The following PHACTR2 variants were observed in gnomAD, a reference collection of about 807,000 sequenced individuals.
PHACTR2 encodes the protein chromosome 6 open reading frame 56.
PHACTR2 carries 30 observed loss-of-function variants against 76.0 expected under a neutral mutation model. The ratio of observed to expected loss-of-function variants is 0.39; its 90% CI spans 0.30 to 0.54. The LOEUF is 0.54. Among genes scored for constraint, PHACTR2 ranks in the 20% least tolerant of loss-of-function variants. The pLI is 0.61. For synonymous variants in PHACTR2, 292 were observed against 292.5 expected, an observed-to-expected ratio of 1.00 and a Z score of 0.02; for missense variants, 696 against 781.1, an observed-to-expected ratio of 0.89 and a Z score of 1.30.
Position 143,596,648 on chromosome 6 carries a change from G to C in PHACTR2, c.217+59441G>C, listed in dbSNP as rs1251229765. ...GAGCCTAGTAGTTTGAGATCAGCCT[G>C]GGCAACATAGTGAGACCCCATTTTA... On this transcript the variant is annotated intron_variant, in intron 1 of 11. Transcript: ENST00000367584. The surrounding 1 kb of genome is among the most constrained non-coding windows in gnomAD (Gnocchi z 4.6). 6.6e-6 allele frequency among the ~76,000 whole-genome samples: 1 copy of C among 152,022 alleles called. No homozygotes were observed. The highest frequency in any genetic ancestry group is 2.4e-5 in the African/African-American group (1 of 41,370).
intron 11 of PHACTR2, among the ~76,000 whole-genome samples, chr6:143,799,497 T>G (rs1351713466): frequency 6.6e-6 from 1 of 152,266 alleles, no homozygotes; most frequent in Non-Finnish European, 1.5e-5. Flanking sequence ...ATTTTAGATC[T>G]CTCTTGCTTT....
chr6:143,813,614 C>T (rs1182758158), intron 12 of PHACTR2, among the ~76,000 whole-genome samples: 19 of 114,906 alleles, frequency 1.7e-4, no homozygotes, highest in African/African-American at 6.4e-4. Flanking sequence ...CGAGACTCCG[C>T]CTCAAAAAAA....
intron 4 of PHACTR2, among the ~76,000 whole-genome samples, chr6:143,758,602 G>T (rs1310776899): frequency 6.6e-6 from 1 of 152,200 alleles, no homozygotes; most frequent in Non-Finnish European, 1.5e-5. Context: ...TAGTATACAT[G>T]ATACTCAGCT....
chr6:143,675,722 C>G (rs1382212731), upstream of PHACTR2, among the ~76,000 whole-genome samples: 1 of 152,058 alleles, frequency 6.6e-6, no homozygotes, highest in Admixed American at 6.6e-5. The surrounding 1 kb of genome is among the most constrained non-coding windows in gnomAD (Gnocchi z 4.9). Flanking sequence ...AATAAATTCC[C>G]TAGAGAGAGG....
chr6:143,813,524 G>A (rs961932092), intron 12 of PHACTR2, among the ~76,000 whole-genome samples: 6 of 151,454 alleles, frequency 4.0e-5, no homozygotes, highest in South Asian at 2.1e-4. Flanking sequence ...AGGCTGAGGC[G>A]GGAGAATGCC....
rs1283930390 is a variant in PHACTR2, at chr6:143,830,514, CTT to C, written c.*6828_*6829del. 6.6e-6 allele frequency: 1 copy of C among 151,930 alleles called. No individual in the cohort carries two copies. Among genetic ancestry groups the C allele is most frequent in the Non-Finnish European group, 1.5e-5 (1 of 67,966 alleles). The allele number at this position is 151,930 out of a possible 1,614,324, so 9.4% of individuals were successfully genotyped here. ...TACACTGATTAACATGACAGTTTCT[CTT>C]TTGTTGTTCTTATCTGTACTGTATT... On this transcript the variant is annotated 3_prime_UTR_variant, in exon 13 of 13. Coordinates refer to ENST00000440869, the MANE Select transcript of PHACTR2 (RefSeq NM_001100164.2).
At chr6:143,735,992 T>C (rs944182808) in intron 2 of PHACTR2, among the ~76,000 whole-genome samples, 1 of 150,758 alleles carries the variant, frequency 6.6e-6, no homozygotes, top group South Asian at 2.1e-4. Context: ...AACTAACTCA[T>C]TGAGTATTTA....
At chr6:143,612,145 C>A (rs1775988527) in intron 1 of PHACTR2, among the ~76,000 whole-genome samples, 1 of 152,164 alleles carries the variant, frequency 6.6e-6, no homozygotes, top group African/African-American at 2.4e-5. Context: ...GCCTCCTCTC[C>A]CTCCAGTCTG....
intron 1 of PHACTR2, among the ~76,000 whole-genome samples, chr6:143,636,705 T>A (rs1444786353): frequency 6.6e-6 from 1 of 152,226 alleles, no homozygotes; most frequent in African/African-American, 2.4e-5. Flanking sequence ...TTTAACAGGA[T>A]AGATTTTGCC....
At chr6:143,593,521 A>G (rs1775717190) in intron 1 of PHACTR2, among the ~76,000 whole-genome samples, 1 of 152,218 alleles carries the variant, frequency 6.6e-6, no homozygotes, top group South Asian at 2.1e-4. Context: ...AAAGATACAT[A>G]TTCTTTTCAT....
chr6:143,788,819 T>C lies in PHACTR2; in HGVS notation c.1754T>C (p.Leu585Pro), dbSNP rs1323709155. 1 of 1,613,582 alleles carries C rather than the reference T, an allele frequency of 6.2e-7. No individual in the cohort carries two copies. Among genetic ancestry groups the C allele is most frequent in the African/African-American group, 1.3e-5 (1 of 74,928 alleles). Reference protein sequence around the residue: ...TVAELQARRILRFNEYVEVTD... With the variant: ...TVAELQARRIPRFNEYVEVTD... Reference sequence around the variant, plus strand: ...GCAGAGCTACAAGCTCGAAGGATCCTGCGATTTAACGAGTATGTAGAAGTC... The same window carrying C: ...GCAGAGCTACAAGCTCGAAGGATCCCGCGATTTAACGAGTATGTAGAAGTC... The change falls in exon 11 of 13, where the codon CTG (leucine) becomes CCG (proline). Residue 585 changes from leucine (L) to proline (P), a missense_variant. Physicochemically the swap from Leu to Pro is moderately conservative, Grantham distance 98. Transcript: ENST00000440869.
In PHACTR2 at chr6:143,598,403, C is replaced by T. The variant is rs1038695164; in HGVS notation, c.217+61196C>T. Among the ~76,000 whole-genome samples the T allele has an allele frequency of 1.3e-5, 2 of 152,160 alleles. No homozygotes were observed. The highest frequency in any genetic ancestry group is 1.3e-4 in the Admixed American group (2 of 15,276). ...CCAGAGCCTCCAGAGGAATGCAGCC[C>T]TTCAGAACACCTTGATTTGAGCCCT... is the stretch of plus-strand genomic sequence containing the variant. On this transcript the variant is annotated intron_variant, in intron 1 of 11. Transcript: ENST00000367584. This position sits in a 1 kb window ranked among gnomAD's most constrained non-coding sequence, Gnocchi z 4.1.
At chr6:143,638,964 C>T (rs907887076) in intron 1 of PHACTR2, among the ~76,000 whole-genome samples, 1 of 152,104 alleles carries the variant, frequency 6.6e-6, no homozygotes, top group African/African-American at 2.4e-5. Context: ...TTAGAGTGTT[C>T]GTAGCTTCCC....
Position 143,537,143 on chromosome 6 carries a change from A to G in PHACTR2, c.153A>G (p.Ser51=). ...GGGACCCGAGCCCCCGCGGCCGCTCACAGAGCGACCTCTCGTCGTCCTCGA... is the reference window on the plus strand; with the variant it reads ...GGGACCCGAGCCCCCGCGGCCGCTCGCAGAGCGACCTCTCGTCGTCCTCGA... The change falls in exon 1 of 12, where the codon TCA becomes TCG. Residue 51 remains serine (S), a synonymous_variant. Coordinates refer to the PHACTR2 transcript ENST00000367584. This position sits in a 1 kb window ranked among gnomAD's most constrained non-coding sequence, Gnocchi z 4.4. 6.0e-6 allele frequency: 2 copies of G among 331,366 alleles called. No homozygotes were observed. The highest frequency in any genetic ancestry group is 5.9e-6 in the Non-Finnish European group (1 of 169,944). The allele number at this position is 331,366 out of a possible 1,614,324, so 20.5% of individuals were successfully genotyped here.
At position 143,718,875 on chromosome 6, in the gene PHACTR2, G is replaced by GTTT. The variant is rs1226236202; in HGVS notation, c.214+6714_214+6716dup. Among the ~76,000 whole-genome samples the GTTT allele has an allele frequency of 4.4e-3, 543 of 123,374 alleles. 7 individuals are homozygous for GTTT. Among genetic ancestry groups the GTTT allele is most frequent in the East Asian group, 0.033 (115 of 3,514 alleles). 80.9% of individuals were successfully genotyped at this position (123,374 alleles called of 152,430 possible). A position where few individuals can be genotyped will look rare whatever the true frequency, so the allele number is the denominator to read the frequency against. ...ACTAAGAAGTTGGAAAGTTGGAAGT[G>GTTT]TTTTTTTTTTTTTTTTTTTTTTTTG... On this transcript the variant is annotated intron_variant, in intron 2 of 12. Transcript: ENST00000440869.
Position 143,657,953 on chromosome 6 carries a change from AG to A in PHACTR2, c.13+49638del, listed in dbSNP as rs1028397189. On this transcript the variant is annotated intron_variant, in intron 1 of 11. Coordinates refer to the PHACTR2 transcript ENST00000305766. Reference sequence around the variant, plus strand: ...AGGGGAAATAATCCCTTTATTTCTGAGGGGGGGTCCAGGCAGCACATCACAG... The same window carrying A: ...AGGGGAAATAATCCCTTTATTTCTGAGGGGGGTCCAGGCAGCACATCACAG... 3.9e-5 allele frequency among the ~76,000 whole-genome samples: 6 copies of A among 152,134 alleles called. No individual in the cohort carries two copies. The East Asian group carries it at 5.8e-4, about 15-fold the overall frequency.
intron 1 of PHACTR2, among the ~76,000 whole-genome samples, chr6:143,711,685 A>T (rs2488102): frequency 0.46 from 69,563 of 151,962 alleles, 16,569 homozygotes; most frequent in Non-Finnish European, 0.54. Context: ...TACTTAGAAT[A>T]CTCTATTCCT....
chr6:143,658,815 A>G lies in PHACTR2; in HGVS notation c.13+50493A>G, dbSNP rs541390378. ...CAAGGTGGCAGGATCACTTGAGGTC[A>G]AGAGTTCGAGACCAGCCTAACCAAC... is the stretch of plus-strand genomic sequence containing the variant. On this transcript the variant is annotated intron_variant, in intron 1 of 11. Transcript: ENST00000305766. This position sits in a 1 kb window ranked among gnomAD's most constrained non-coding sequence, Gnocchi z 4.1. Among the ~76,000 whole-genome samples, 1 of 152,284 alleles carries G rather than the reference A, an allele frequency of 6.6e-6. No individual in the cohort carries two copies. Among genetic ancestry groups the G allele is most frequent in the East Asian group, 1.9e-4 (1 of 5,186 alleles).
intron 1 of PHACTR2, among the ~76,000 whole-genome samples, chr6:143,637,751 G>A (rs941072589): frequency 2.0e-5 from 3 of 152,258 alleles, no homozygotes; most frequent in Non-Finnish European, 4.4e-5. Context: ...CCAGCAAGGA[G>A]AGCAAGGCTC....
Sources: gnomAD v4.1 joint callset for allele counts (sites outside exome capture counted in the v4.1 genomes callset) on GRCh38, gnomAD v4.1.1 for gene constraint, Gnocchi (gnomAD v3.1) non-coding constraint, MANE v1.5 for transcripts, NCBI Gene and HGNC (gene_info 2026-07-23, HGNC 2026-07-21) for gene names.